Variants in JDP2 observed in about 807,000 individuals in gnomAD.
JDP2 encodes Jun dimerization protein 2, also known as progesterone receptor co-activator.
JDP2 carries 9 observed loss-of-function variants against 17.1 expected under a neutral mutation model. The ratio of observed to expected loss-of-function variants is 0.53; its 90% confidence interval spans 0.32 to 0.92. JDP2 has a LOEUF of 0.92. Among genes scored for constraint, JDP2 ranks in the 40% least tolerant of loss-of-function variants. The pLI is 0.04. For synonymous variants in JDP2, 107 were observed against 95.6 expected (o/e 1.12, Z -0.69); for missense variants, 179 against 220.0 (o/e 0.81, Z 1.18).
In JDP2 at chr14:75,469,561, T is replaced by G; in HGVS notation, c.*86T>G. 8.4e-7 allele frequency: 1 copy of G among 1,189,326 alleles called. No homozygotes were observed. Among genetic ancestry groups the G allele is most frequent in the African/African-American group, 1.5e-5 (1 of 65,238 alleles). The allele number at this position is 1,189,326 out of a possible 1,614,324, so 73.7% of individuals were successfully genotyped here. A position where few individuals can be genotyped will look rare whatever the true frequency, so the allele number is the denominator to read the frequency against. ...GGAGGAGGGGGGCCCCAGATGGCCC[T>G]TCCTTTGGTGCATGAAAAACTGTAC... On this transcript the variant is annotated 3_prime_UTR_variant, in exon 4 of 4. Transcript: ENST00000651602.
intron 2 of JDP2, among the ~76,000 whole-genome samples, chr14:75,439,264 G>A (rs1346397809): frequency 6.7e-6 from 1 of 149,720 alleles, no homozygotes; most frequent in East Asian, 1.9e-4. Flanking sequence ...GCTTGGCTGT[G>A]GTGGCAAACT....
intron 3 of JDP2, among the ~76,000 whole-genome samples, chr14:75,465,562 A>G (rs1376494226): frequency 6.6e-6 from 1 of 152,126 alleles, no homozygotes; most frequent in Non-Finnish European, 1.5e-5. Flanking sequence ...ACTCCTGGAC[A>G]CAAGTGATCC....
At chr14:75,462,353 TA>T (rs964676258) in intron 3 of JDP2, among the ~76,000 whole-genome samples, 7 of 152,314 alleles carry the variant, frequency 4.6e-5, no homozygotes, top group Non-Finnish European at 1.0e-4. Flanking sequence ...AATAATAACA[TA>T]GGGGCGGGTC....
chr14:75,461,737 C>G (rs1886356979), intron 3 of JDP2, among the ~76,000 whole-genome samples: 1 of 152,194 alleles, frequency 6.6e-6, no homozygotes, highest in African/African-American at 2.4e-5. Flanking sequence ...TTCAGCAGTT[C>G]CTGCCCACAC....
intron 2 of JDP2, among the ~76,000 whole-genome samples, chr14:75,450,089 A>G (rs1885781304): frequency 6.6e-6 from 1 of 152,172 alleles, no homozygotes; most frequent in Non-Finnish European, 1.5e-5. Context: ...TACTATGGAC[A>G]AGGGGAGTTG....
At chr14:75,454,312 G>A (rs117435421) in intron 2 of JDP2, among the ~76,000 whole-genome samples, 184 of 152,336 alleles carry the variant, frequency 1.2e-3, no homozygotes, top group Admixed American at 1.8e-3. Context: ...AGAGCAGGAC[G>A]TGCTCAGGCC....
chr14:75,432,324 T>C (rs1884845278), intron 1 of JDP2: 1 of 1,551,568 alleles, frequency 6.4e-7, no homozygotes, highest in Non-Finnish European at 8.7e-7. Context: ...TTCTCCAAGA[T>C]TCATGGTAGC....
At chr14:75,432,152 T>C in intron 1 of JDP2, 1 of 631,848 alleles carries the variant, frequency 1.6e-6, no homozygotes, top group Admixed American at 2.7e-5. Flanking sequence ...GGCCTTTTGC[T>C]GCTCGCCTTC....
At chr14:75,467,362 C>T (rs1318075342) in intron 3 of JDP2, among the ~76,000 whole-genome samples, 1 of 152,180 alleles carries the variant, frequency 6.6e-6, no homozygotes, top group Non-Finnish European at 1.5e-5. Context: ...CTTCTGAACC[C>T]TGGGTGGCTG....
chr14:75,443,060 G>A lies in JDP2; in HGVS notation c.201+4939G>A, dbSNP rs1245860142. Reference sequence around the variant, plus strand: ...AACTGTCTGTGGATTTCACATTGGCGATTTCCCATCTTCTCCAGGGTCCCT... The same window carrying A: ...AACTGTCTGTGGATTTCACATTGGCAATTTCCCATCTTCTCCAGGGTCCCT... On this transcript the variant is annotated intron_variant, in intron 2 of 3. Transcript: ENST00000651602. Among the ~76,000 whole-genome samples, 5 of 152,220 alleles carry A rather than the reference G, an allele frequency of 3.3e-5. No individual in the cohort carries two copies. In the South Asian group the frequency reaches 8.3e-4, roughly 25 times the overall value.
intron 2 of JDP2, among the ~76,000 whole-genome samples, chr14:75,447,228 C>G (rs1885642865): frequency 6.6e-6 from 1 of 152,210 alleles, no homozygotes; most frequent in Admixed American, 6.5e-5. Context: ...GTTAAGAAAC[C>G]AGCCCAGTTC....
At chr14:75,447,419 G>T (rs938867186) in intron 2 of JDP2, among the ~76,000 whole-genome samples, 8 of 152,068 alleles carry the variant, frequency 5.3e-5, no homozygotes, top group Admixed American at 3.9e-4. Flanking sequence ...ACTTGCCAGG[G>T]TCTCATTTTT....
intron 2 of JDP2, among the ~76,000 whole-genome samples, chr14:75,456,366 C>A (rs1886108470): frequency 6.6e-6 from 1 of 152,202 alleles, no homozygotes; most frequent in African/African-American, 2.4e-5. Context: ...TTCTCTGTCC[C>A]ACTGTCTCTG....
chr14:75,469,450 TGCTCGAGCA>T lies in JDP2; in HGVS notation c.475_483del (p.Gln159_Glu161del). On this transcript the variant is annotated inframe_deletion, in exon 4 of 4. Coordinates refer to ENST00000651602, the MANE Select transcript of JDP2 (RefSeq NM_001135048.2). ...ACCCCCGAGTCAGAAGGCAACCCAC[TGCTCGAGCA>T]GCTCGAGAAGAAGTGACCATGGGCT... 7 of 1,613,328 alleles carry T rather than the reference TGCTCGAGCA, an allele frequency of 4.3e-6. No individual in the cohort carries two copies. The highest frequency in any genetic ancestry group is 5.9e-6 in the Non-Finnish European group (7 of 1,179,738).
chr14:75,459,136 G>A (rs1401189385), intron 2 of JDP2, among the ~76,000 whole-genome samples: 1 of 152,220 alleles, frequency 6.6e-6, no homozygotes, highest in Non-Finnish European at 1.5e-5. Context: ...ACAAGGCCTT[G>A]CAGTACCCAG....
At chr14:75,462,188 C>T (rs1886373689) in intron 3 of JDP2, among the ~76,000 whole-genome samples, 1 of 152,170 alleles carries the variant, frequency 6.6e-6, no homozygotes, top group South Asian at 2.1e-4. Flanking sequence ...TCTTTTTCTC[C>T]CAAGTCCTGC....
At chr14:75,468,985 A>G (rs1027779366) in intron 3 of JDP2, among the ~76,000 whole-genome samples, 2 of 152,200 alleles carry the variant, frequency 1.3e-5, no homozygotes, top group Non-Finnish European at 2.9e-5. Context: ...AGTATTTGGC[A>G]TATTTGAGCA....
At chr14:75,433,525 G>A (rs1759899735) in intron 1 of JDP2, among the ~76,000 whole-genome samples, 1 of 143,072 alleles carries the variant, frequency 7.0e-6, no homozygotes. Flanking sequence ...CTGAGGAAGA[G>A]TAGGGAGTAC....
Position 75,472,075 on chromosome 14 carries a change from C to G in JDP2, c.*2600C>G, listed in dbSNP as rs576050043. The stretch of plus-strand genomic sequence containing the variant: ...CACCAGTGACTTGTGCTGTGCGGAG[C>G]CTTCCTCACCAGGACCACTGGCTGC... On this transcript the variant is annotated 3_prime_UTR_variant, in exon 4 of 4. Coordinates refer to ENST00000651602, the MANE Select transcript of JDP2 (RefSeq NM_001135048.2). 1 of 152,290 alleles carries G rather than the reference C, an allele frequency of 6.6e-6. No individual in the cohort carries two copies. Among genetic ancestry groups the G allele is most frequent in the Non-Finnish European group, 1.5e-5 (1 of 68,044 alleles). 9.4% of individuals were successfully genotyped at this position (152,290 alleles called of 1,614,324 possible).
Sources: allele counts gnomAD v4.1 joint callset (sites outside exome capture counted in the v4.1 genomes callset), GRCh38; gene constraint gnomAD v4.1.1; transcripts MANE v1.5; gene names NCBI Gene and HGNC (gene_info 2026-07-23, HGNC 2026-07-21).